Variants in NRG1 observed in about 807,000 individuals in gnomAD.
NRG1 encodes pro-neuregulin-1, membrane-bound isoform.
NRG1 carries 18 observed loss-of-function variants against 63.8 expected under a neutral mutation model. The observed-to-expected ratio is 0.28, with a 90% CI of 0.19 to 0.42. The LOEUF is 0.42. Ranked by LOEUF, NRG1 falls within the 10% of genes least tolerant of loss-of-function variation. The pLI is 1.00. For synonymous variants in NRG1, 302 were observed against 301.3 expected, an observed-to-expected ratio of 1.00 and a Z score of -0.02; for missense variants, 762 against 814.7, an observed-to-expected ratio of 0.94 and a Z score of 0.79.
At chr8:32,263,474 C>G (rs928647845) in intron 1 of NRG1, among the ~76,000 whole-genome samples, 4 of 152,098 alleles carry the variant, frequency 2.6e-5, no homozygotes, top group Non-Finnish European at 5.9e-5. Flanking sequence ...TGAGAGCCCC[C>G]CATCCTGCTC....
At chr8:32,411,022 C>T (rs1183505379) in intron 1 of NRG1, among the ~76,000 whole-genome samples, 4 of 152,034 alleles carry the variant, frequency 2.6e-5, no homozygotes, top group East Asian at 1.9e-4. Context: ...ACTACAGGCA[C>T]GCACCACCAT....
At chr8:32,757,930 G>A (rs1293533349) in intron 9 of NRG1, among the ~76,000 whole-genome samples, 1 of 152,136 alleles carries the variant, frequency 6.6e-6, no homozygotes, top group East Asian at 1.9e-4. Flanking sequence ...AAAAGCAATA[G>A]TGAAATGGTT....
At chr8:31,810,538 C>T (rs533602286) in intron 1 of NRG1, among the ~76,000 whole-genome samples, 22 of 152,252 alleles carry the variant, frequency 1.4e-4, no homozygotes, top group Non-Finnish European at 1.9e-4. Context: ...ACCTCAGGGC[C>T]TTTGCACAGC....
chr8:31,936,131 A>C (rs1008518934), intron 1 of NRG1, among the ~76,000 whole-genome samples: 1 of 152,232 alleles, frequency 6.6e-6, no homozygotes, highest in African/African-American at 2.4e-5. Context: ...GCTTTTAAGA[A>C]GTGTTATGCT....
intron 5 of NRG1, among the ~76,000 whole-genome samples, chr8:32,695,359 AAG>A (rs751255746): frequency 6.6e-6 from 1 of 151,934 alleles, no homozygotes; most frequent in Non-Finnish European, 1.5e-5. Context: ...GAAGGAAAGA[AAG>A]AGAGAGAGGG....
chr8:32,698,199 T>A, intron 5 of NRG1, among the ~76,000 whole-genome samples: 1 of 141,912 alleles, frequency 7.0e-6, no homozygotes, highest in African/African-American at 2.8e-5. Flanking sequence ...CGAGACTCCA[T>A]CTCAAAAAAA....
intron 1 of NRG1, among the ~76,000 whole-genome samples, chr8:31,667,397 C>T (rs1340714182): frequency 6.6e-6 from 1 of 152,126 alleles, no homozygotes; most frequent in African/African-American, 2.4e-5. Flanking sequence ...ATATGCCAAG[C>T]ACTGTGAGTG....
chr8:32,691,336 G>A (rs1438438021), intron 5 of NRG1, among the ~76,000 whole-genome samples: 1 of 152,164 alleles, frequency 6.6e-6, no homozygotes. Context: ...CTGGGCAACA[G>A]TGCCAGACTC....
At chr8:31,774,232 C>A (rs1049496138) in intron 1 of NRG1, among the ~76,000 whole-genome samples, 2 of 152,002 alleles carry the variant, frequency 1.3e-5, no homozygotes, top group African/African-American at 4.8e-5. Context: ...CTTCATATTC[C>A]CCCAGATTTT....
chr8:31,730,756 A>G (rs573718942), intron 1 of NRG1, among the ~76,000 whole-genome samples: 1 of 152,176 alleles, frequency 6.6e-6, no homozygotes, highest in African/African-American at 2.4e-5. Context: ...GTACTTAGGC[A>G]AAAACCAAGA....
intron 1 of NRG1, among the ~76,000 whole-genome samples, chr8:32,044,800 T>A (rs1463268415): frequency 6.6e-6 from 1 of 150,802 alleles, no homozygotes; most frequent in African/African-American, 2.4e-5. Flanking sequence ...GTGGAATGTC[T>A]GCAAAGCAAT....
intron 1 of NRG1, among the ~76,000 whole-genome samples, chr8:32,515,609 A>G (rs1036043747): frequency 6.6e-6 from 1 of 152,048 alleles, no homozygotes; most frequent in African/African-American, 2.4e-5. Flanking sequence ...CACCCAGCTC[A>G]TTAAAAAAAA....
At chr8:31,679,391 A>G (rs575019756) in intron 1 of NRG1, among the ~76,000 whole-genome samples, 1 of 152,258 alleles carries the variant, frequency 6.6e-6, no homozygotes, top group South Asian at 2.1e-4. Flanking sequence ...TCCCAAAAAC[A>G]AGGATTTTCA....
Position 32,312,266 on chromosome 8 carries a change from C to T in NRG1, c.38-283562C>T, listed in dbSNP as rs543632144. Reference sequence around the variant, plus strand: ...GCATCCTCCGCCTCCTGGGCTCAAGCGATTCTCCAGCCTCAGCCTCCTGAG... The same window carrying T: ...GCATCCTCCGCCTCCTGGGCTCAAGTGATTCTCCAGCCTCAGCCTCCTGAG... On this transcript the variant is annotated intron_variant, in intron 1 of 10. Coordinates refer to the NRG1 transcript ENST00000519301. 9.8e-4 allele frequency among the ~76,000 whole-genome samples: 140 copies of T among 142,680 alleles called. 1 individual carries two copies. Among genetic ancestry groups the T allele is most frequent in the African/African-American group, 3.5e-3 (136 of 38,450 alleles). The allele number at this position is 142,680 out of a possible 152,430, so 93.6% of individuals were successfully genotyped here.
Position 32,743,886 on chromosome 8 carries a change from CACTGTCA to C in NRG1, c.691+1154_691+1160del, listed in dbSNP as rs1248713479. 2.0e-5 allele frequency among the ~76,000 whole-genome samples: 3 copies of C among 152,002 alleles called. No individual in the cohort carries two copies. In the South Asian group the frequency reaches 6.2e-4, roughly 32 times the overall value. ...ATTTTAGGATTTGTGGTGACACCATCACTGTCACAACAACTCAAACCTACTATTGTAG... is the reference window on the plus strand; with the variant it reads ...ATTTTAGGATTTGTGGTGACACCATCCAACAACTCAAACCTACTATTGTAG... On this transcript the variant is annotated intron_variant, in intron 7 of 11. Transcript: ENST00000356819.
rs529751925 is a variant in NRG1, at chr8:32,584,963, T to G, written c.101-10865T>G. ...CTTTAAATAAAAAAGAGAATTTTAG[T>G]GGCATGAATTAAATGTAATTCAACT... is the stretch of plus-strand genomic sequence containing the variant. On this transcript the variant is annotated intron_variant, in intron 1 of 11. Coordinates refer to ENST00000356819, the Ensembl canonical transcript of NRG1. Among the ~76,000 whole-genome samples the G allele has an allele frequency of 9.8e-5, 15 of 152,290 alleles. 1 individual carries two copies. The highest frequency in any genetic ancestry group is 3.4e-4 in the African/African-American group (14 of 41,578).
At chr8:31,712,920 T>C (rs1585852611) in intron 1 of NRG1, among the ~76,000 whole-genome samples, 1 of 151,892 alleles carries the variant, frequency 6.6e-6, no homozygotes, top group East Asian at 1.9e-4. Context: ...TTCTTCAATC[T>C]GTCTGTCTAT....
chr8:31,981,665 A>G (rs1354157988), intron 1 of NRG1, among the ~76,000 whole-genome samples: 1 of 151,974 alleles, frequency 6.6e-6, no homozygotes, highest in Non-Finnish European at 1.5e-5. Context: ...CCTCAAATCC[A>G]TTCTGCGACT....
intron 1 of NRG1, among the ~76,000 whole-genome samples, chr8:31,678,630 AAG>A (rs1158890382): frequency 6.6e-6 from 1 of 151,406 alleles, no homozygotes; most frequent in African/African-American, 2.4e-5. Flanking sequence ...TGAATTAAAA[AAG>A]ATTTTTTGTT....
Sources: gnomAD v4.1 joint callset for allele counts (sites outside exome capture counted in the v4.1 genomes callset) on GRCh38, gnomAD v4.1.1 for gene constraint, MANE v1.5 for transcripts, NCBI Gene and HGNC (gene_info 2026-07-23, HGNC 2026-07-21) for gene names.